AUTS2: variants seen among roughly 807,000 people sequenced by gnomAD.
The protein encoded by AUTS2 is autism susceptibility gene 2 protein.
A neutral mutation model predicts 112.4 loss-of-function variants in AUTS2; 17 were observed. That is an observed-to-expected ratio of 0.15 (90% CI 0.10 to 0.23). The LOEUF (loss-of-function observed/expected upper bound fraction) is 0.23. Ranked by LOEUF, AUTS2 falls within the 10% of genes least tolerant of loss-of-function variation. The pLI is 1.00. For missense variants in AUTS2, 1,510 were observed against 1,701.6 expected (o/e 0.89, Z 1.98); for synonymous variants, 751 against 702.7 (o/e 1.07, Z -1.09).
rs1362072429 is a variant in AUTS2 at position 70,776,785 on chromosome 7, T to C, written c.1933-318T>C. On this transcript the variant is annotated intron_variant, in intron 13 of 18. Transcript: ENST00000342771. ...TTCCCACTCTACCAGGTCTGCCAGC[T>C]GGCAGCAGAAAAGAAAGAGAAGAGG... 3 of 401,156 alleles carry C rather than the reference T, an allele frequency of 7.5e-6. No homozygotes were observed. The East Asian group carries it at 1.7e-4, about 22-fold the overall frequency. The allele number at this position is 401,156 out of a possible 1,614,324, so 24.8% of individuals were successfully genotyped here. A position where few individuals can be genotyped will look rare whatever the true frequency, so the allele number is the denominator to read the frequency against.
intron 1 of AUTS2, among the ~76,000 whole-genome samples, chr7:69,614,114 C>T (rs888809343): frequency 2.0e-5 from 3 of 152,128 alleles, no homozygotes; most frequent in Non-Finnish European, 4.4e-5. Context: ...TTCCCCTCGG[C>T]TAAGATGGGC....
At chr7:70,101,712 A>T (rs1804505779) in intron 2 of AUTS2, among the ~76,000 whole-genome samples, 2 of 152,132 alleles carry the variant, frequency 1.3e-5, no homozygotes, top group African/African-American at 4.8e-5. Flanking sequence ...AAAAACAAAA[A>T]TTAAAGAAAT....
chr7:70,077,355 A>G (rs1782955673), intron 2 of AUTS2, among the ~76,000 whole-genome samples: 1 of 152,212 alleles, frequency 6.6e-6, no homozygotes, highest in African/African-American at 2.4e-5. Flanking sequence ...GGCAAAGTCC[A>G]AACCCAGATG....
chr7:69,888,046 C>T (rs1211060081), intron 1 of AUTS2, among the ~76,000 whole-genome samples: 4 of 152,154 alleles, frequency 2.6e-5, no homozygotes, highest in Non-Finnish European at 5.9e-5. Flanking sequence ...TGCAGTGGCT[C>T]ATGCCTCTAA....
At chr7:69,670,524 T>A (rs368027840) in intron 1 of AUTS2, among the ~76,000 whole-genome samples, 45 of 121,578 alleles carry the variant, frequency 3.7e-4, no homozygotes, top group African/African-American at 1.5e-3. Flanking sequence ...ACAAAACCAT[T>A]AGTAACATGG....
At chr7:69,801,537 G>C (rs1399723769) in intron 1 of AUTS2, among the ~76,000 whole-genome samples, 1 of 150,736 alleles carries the variant, frequency 6.6e-6, no homozygotes, top group Non-Finnish European at 1.5e-5. Flanking sequence ...GTATATATAT[G>C]TGGTGTATAT....
intron 5 of AUTS2, among the ~76,000 whole-genome samples, chr7:70,625,779 C>T (rs1804907614): frequency 6.6e-6 from 1 of 152,190 alleles, no homozygotes; most frequent in African/African-American, 2.4e-5. Context: ...AGGTGAGTAA[C>T]TGTAACCATA....
At chr7:70,786,976 C>A (rs1483903583) in intron 17 of AUTS2, 2 of 615,094 alleles carry the variant, frequency 3.3e-6, no homozygotes, top group South Asian at 1.9e-5. Context: ...CTTCCCCTGT[C>A]CCCACCTTTG....
At chr7:70,658,335 C>G (rs1431306928) in intron 5 of AUTS2, among the ~76,000 whole-genome samples, 8 of 152,198 alleles carry the variant, frequency 5.3e-5, no homozygotes, top group African/African-American at 1.2e-4. Flanking sequence ...CCACTCCCCC[C>G]CAACACCACA....
chr7:69,658,494 C>A lies in AUTS2; in HGVS notation c.309+58532C>A, dbSNP rs111752104. 3.3e-5 allele frequency among the ~76,000 whole-genome samples: 5 copies of A among 152,262 alleles called. 1 individual carries two copies. Among genetic ancestry groups the A allele is most frequent in the Admixed American group, 1.3e-4 (2 of 15,296 alleles). On this transcript the variant is annotated intron_variant, in intron 1 of 18. Coordinates refer to ENST00000342771, the MANE Select transcript of AUTS2 (RefSeq NM_015570.4). ...AGCTAGACAATTATATACTATTTCT[C>A]TTCTGAGAAACTTTATAAAGAGTTA... is the stretch of plus-strand genomic sequence containing the variant.
At chr7:70,126,865 G>GGAAT (rs1445282396) in intron 3 of AUTS2, among the ~76,000 whole-genome samples, 1 of 152,106 alleles carries the variant, frequency 6.6e-6, no homozygotes, top group Non-Finnish European at 1.5e-5. Flanking sequence ...AGGCTGGAGT[G>GGAAT]GAATGGAGTG....
At chr7:70,477,189 G>A (rs890635370) in intron 5 of AUTS2, among the ~76,000 whole-genome samples, 7 of 152,100 alleles carry the variant, frequency 4.6e-5, no homozygotes, top group Non-Finnish European at 8.8e-5. Context: ...CCTTTCAAAT[G>A]AATCAGTAGT....
intron 5 of AUTS2, among the ~76,000 whole-genome samples, chr7:70,680,563 C>T (rs1808156843): frequency 6.6e-6 from 1 of 152,160 alleles, no homozygotes; most frequent in African/African-American, 2.4e-5. Flanking sequence ...AAATCATTTC[C>T]ATGCCTCCTC....
At chr7:69,828,506 G>C (rs911465760) in intron 1 of AUTS2, among the ~76,000 whole-genome samples, 1 of 152,126 alleles carries the variant, frequency 6.6e-6, no homozygotes, top group African/African-American at 2.4e-5. Context: ...TCCATTTTGG[G>C]ACTTCTTGTT....
At chr7:70,765,595 G>T (rs950023388) in intron 8 of AUTS2, among the ~76,000 whole-genome samples, 1 of 152,192 alleles carries the variant, frequency 6.6e-6, no homozygotes, top group African/African-American at 2.4e-5. Flanking sequence ...CGCCAATACA[G>T]AGAGCCATAT....
At chr7:70,458,865 G>A (rs552108985) in intron 5 of AUTS2, among the ~76,000 whole-genome samples, 1 of 152,348 alleles carries the variant, frequency 6.6e-6, no homozygotes, top group South Asian at 2.1e-4. Context: ...ATGGACCACT[G>A]AGGGGGAATA....
chr7:70,356,706 C>A (rs891099274), intron 4 of AUTS2, among the ~76,000 whole-genome samples: 1 of 152,080 alleles, frequency 6.6e-6, no homozygotes, highest in Non-Finnish European at 1.5e-5. Context: ...CTCCTCCCCC[C>A]ACCTCCCCAC....
chr7:70,059,218 C>T (rs971311222), intron 2 of AUTS2, among the ~76,000 whole-genome samples: 3 of 152,202 alleles, frequency 2.0e-5, no homozygotes, highest in East Asian at 1.9e-4. Context: ...TCCATAGTTT[C>T]GCCTTCGCAA....
At chr7:69,925,532 T>C (rs918368407) in intron 2 of AUTS2, among the ~76,000 whole-genome samples, 1 of 152,222 alleles carries the variant, frequency 6.6e-6, no homozygotes, top group African/African-American at 2.4e-5. Flanking sequence ...TCCAGGGATC[T>C]TTCTAGTATT....
Sources: gnomAD v4.1 joint callset for allele counts (sites outside exome capture counted in the v4.1 genomes callset) on GRCh38, gnomAD v4.1.1 for gene constraint, MANE v1.5 for transcripts, NCBI Gene and HGNC (gene_info 2026-07-23, HGNC 2026-07-21) for gene names.